The following ZFP82 variants were observed in gnomAD, a reference collection of about 807,000 sequenced individuals.
The protein encoded by ZFP82 is ZFP82 zinc finger protein, also known as zinc finger protein 82 homolog.
A neutral mutation model predicts 54.0 loss-of-function variants in ZFP82; 30 were observed. The ratio of observed to expected loss-of-function variants is 0.56; its 90% CI spans 0.42 to 0.75. The LOEUF (loss-of-function observed/expected upper bound fraction) is 0.75. Ranked by LOEUF, ZFP82 falls within the 30% of genes least tolerant of loss-of-function variation. The pLI is 0.00. For synonymous variants in ZFP82, 194 were observed against 209.5 expected (o/e 0.93, Z 0.64); for missense variants, 500 against 636.8 (o/e 0.79, Z 2.31).
intron 1 of ZFP82, among the ~76,000 whole-genome samples, chr19:36,415,354 A>C (rs2032651950): frequency 6.6e-6 from 1 of 152,142 alleles, no homozygotes; most frequent in African/African-American, 2.4e-5. Flanking sequence ...ATCTGTTCTG[A>C]ATAGTACTAA....
chr19:36,400,085 C>G (rs1030931993), intron 4 of ZFP82, among the ~76,000 whole-genome samples: 5 of 152,138 alleles, frequency 3.3e-5, no homozygotes. Context: ...TTTTTTATGA[C>G]TAACAGACCT....
chr19:36,397,679 C>T (rs2032320161), intron 4 of ZFP82, among the ~76,000 whole-genome samples: 1 of 151,978 alleles, frequency 6.6e-6, no homozygotes, highest in African/African-American at 2.4e-5. Context: ...CCACGCCCCA[C>T]CACCTTCAAG....
chr19:36,392,669 A>C lies in ZFP82; in HGVS notation c.*72T>G. ...AAACCTCTAATGCCAACGCAGTTGC[A>C]TGTATGGAGCAAAATAGATTAATTA... On this transcript the variant is annotated 3_prime_UTR_variant, in exon 5 of 5. Coordinates refer to ENST00000392161, the MANE Select transcript of ZFP82 (RefSeq NM_133466.4). 1 of 1,352,164 alleles carries C rather than the reference A, an allele frequency of 7.4e-7. No homozygotes were observed. The highest frequency in any genetic ancestry group is 9.8e-7 in the Non-Finnish European group (1 of 1,015,902). The allele number at this position is 1,352,164 out of a possible 1,614,324, so 83.8% of individuals were successfully genotyped here.
intron 3 of ZFP82, among the ~76,000 whole-genome samples, chr19:36,407,103 G>T (rs922202859): frequency 7.9e-6 from 1 of 126,540 alleles, no homozygotes; most frequent in Non-Finnish European, 1.6e-5. Context: ...TTGAGACGGA[G>T]TCTCGCTCTG....
chr19:36,408,884 C>A (rs997800985), intron 2 of ZFP82, among the ~76,000 whole-genome samples: 2 of 152,128 alleles, frequency 1.3e-5, no homozygotes, highest in Non-Finnish European at 2.9e-5. Flanking sequence ...TTTAATCATT[C>A]TTTTATACTT....
chr19:36,394,333 G>C (rs889207282), intron 4 of ZFP82: 2 of 490,874 alleles, frequency 4.1e-6, no homozygotes, highest in Non-Finnish European at 3.6e-6. Context: ...TAAGTCAGTG[G>C]TTCTCATATT....
chr19:36,406,414 C>T (rs2032482696), intron 3 of ZFP82, among the ~76,000 whole-genome samples: 1 of 152,178 alleles, frequency 6.6e-6, no homozygotes, highest in Admixed American at 6.5e-5. Context: ...ATTCCTACTC[C>T]CAGCCCCAGA....
chr19:36,409,998 C>A, intron 1 of ZFP82, 131 bp from the exon 2 acceptor site: 1 of 545,514 alleles, frequency 1.8e-6, no homozygotes, highest in Non-Finnish European at 3.3e-6. Context: ...CGCGCGCACA[C>A]ACACATAGGC....
At chr19:36,396,549 G>A (rs571320673) in intron 4 of ZFP82, among the ~76,000 whole-genome samples, 17 of 152,168 alleles carry the variant, frequency 1.1e-4, no homozygotes, top group African/African-American at 3.4e-4. Flanking sequence ...CCAGCTACTC[G>A]GGAGGCTGAG....
At chr19:36,416,638 C>T (rs2032674277) in intron 1 of ZFP82, among the ~76,000 whole-genome samples, 1 of 151,744 alleles carries the variant, frequency 6.6e-6, no homozygotes, top group Non-Finnish European at 1.5e-5. Context: ...TGCCTGTAAT[C>T]CCAGCTACTA....
chr19:36,405,717 A>T (rs565822781), intron 3 of ZFP82, 45 bp from the exon 4 acceptor site: 1 of 1,426,238 alleles, frequency 7.0e-7, no homozygotes, highest in East Asian at 2.3e-5. Flanking sequence ...AATAAAAAAT[A>T]AATCAAAATT....
chr19:36,403,577 G>A (rs1455248284), intron 4 of ZFP82, among the ~76,000 whole-genome samples: 3 of 133,924 alleles, frequency 2.2e-5, no homozygotes, highest in Non-Finnish European at 3.1e-5. Context: ...CCAAGATCAC[G>A]CCACTGCACT....
In ZFP82 at chr19:36,391,790, C is replaced by T. The variant is rs1019704543; in HGVS notation, c.*951G>A. On this transcript the variant is annotated 3_prime_UTR_variant, in exon 5 of 5. Transcript: ENST00000392161. ...TCTAGGGTATCTGTTTTTTAATGAA[C>T]AAACTGGAAAGGAATTCCTTACTTT... 1 of 152,012 alleles carries T rather than the reference C, an allele frequency of 6.6e-6. No homozygotes were observed. The highest frequency in any genetic ancestry group is 1.9e-4 in the East Asian group (1 of 5,182). The allele number at this position is 152,012 out of a possible 1,614,324, so 9.4% of individuals were successfully genotyped here.
intron 4 of ZFP82, among the ~76,000 whole-genome samples, chr19:36,399,283 G>A (rs536076938): frequency 1.3e-3 from 191 of 152,322 alleles, no homozygotes; most frequent in Admixed American, 4.1e-3. Context: ...TCACAAGGAA[G>A]AGATTCCTGC....
Position 36,391,320 on chromosome 19 carries a change from G to A in ZFP82, c.*1421C>T, listed in dbSNP as rs1376336123. 6.6e-6 allele frequency: 1 copy of A among 151,630 alleles called. No individual in the cohort carries two copies. Among genetic ancestry groups the A allele is most frequent in the Non-Finnish European group, 1.5e-5 (1 of 67,926 alleles). The allele number at this position is 151,630 out of a possible 1,614,324, so 9.4% of individuals were successfully genotyped here. ...CAATTTGAGGGGATTGCCTCAAAAT[G>A]CTAAATTGACAATTTAGCATTTTTA... On this transcript the variant is annotated 3_prime_UTR_variant, in exon 5 of 5. Coordinates refer to ENST00000392161, the MANE Select transcript of ZFP82 (RefSeq NM_133466.4).
In ZFP82 at chr19:36,398,160, A is replaced by G. The variant is rs542512982; in HGVS notation, c.230-4050T>C. ...AAAGATCGCTCACAAAAAGAAAACT[A>G]CACACCAATATTCTGAACACTGAGG... On this transcript the variant is annotated intron_variant, in intron 4 of 4. Coordinates refer to ENST00000392161, the MANE Select transcript of ZFP82 (RefSeq NM_133466.4). Among the ~76,000 whole-genome samples the G allele has an allele frequency of 3.9e-5, 6 of 152,360 alleles. No individual in the cohort carries two copies. The East Asian group carries it at 1.2e-3, about 29-fold the overall frequency.
Position 36,415,023 on chromosome 19 carries a change from G to A in ZFP82, c.-79+3469C>T, listed in dbSNP as rs546752236. On this transcript the variant is annotated intron_variant, in intron 1 of 4. Transcript: ENST00000392161. Reference sequence around the variant, plus strand: ...TTTAGTAGAGACAGGGTTTCACCATGTTAGTCAGGCTGGTCTGGAACTCCT... The same window carrying A: ...TTTAGTAGAGACAGGGTTTCACCATATTAGTCAGGCTGGTCTGGAACTCCT... 3.9e-5 allele frequency among the ~76,000 whole-genome samples: 6 copies of A among 152,170 alleles called. No homozygotes were observed. The South Asian group carries it at 1.2e-3, about 32-fold the overall frequency.
At chr19:36,402,548 A>T (rs1321371671) in intron 4 of ZFP82, among the ~76,000 whole-genome samples, 1 of 151,538 alleles carries the variant, frequency 6.6e-6, no homozygotes, top group African/African-American at 2.4e-5. Context: ...TTAAGTCAGA[A>T]GATAGAACAT....
At chr19:36,414,863 C>T (rs1307891278) in intron 1 of ZFP82, among the ~76,000 whole-genome samples, 4 of 149,806 alleles carry the variant, frequency 2.7e-5, no homozygotes, top group African/African-American at 9.9e-5. Flanking sequence ...CTCCTGTTGC[C>T]CGGGCTGGAA....
Sources: gnomAD v4.1 joint callset for allele counts (sites outside exome capture counted in the v4.1 genomes callset) on GRCh38, gnomAD v4.1.1 for gene constraint, MANE v1.5 for transcripts, NCBI Gene and HGNC (gene_info 2026-07-23, HGNC 2026-07-21) for gene names.